HMGN5: variants seen among roughly 807,000 people sequenced by gnomAD.
HMGN5 encodes the protein high mobility group nucleosome binding domain 5.
Under a neutral mutation model 9.5 loss-of-function variants are expected in HMGN5, and 4 were observed. That is an observed-to-expected ratio of 0.42 (90% confidence interval 0.21 to 0.96). The LOEUF is 0.96. Among genes scored for constraint, HMGN5 ranks in the 40% least tolerant of loss-of-function variants. HMGN5 has a pLI of 0.30. For synonymous variants in HMGN5, 55 were observed against 57.1 expected (o/e 0.96, Z 0.16); for missense variants, 192 against 187.5 (o/e 1.02, Z -0.14).
intron 1 of HMGN5, among the ~76,000 whole-genome samples, chrX:81,151,744 C>G (rs984649208): frequency 1.8e-5 from 2 of 110,291 alleles, no homozygotes. Context: ...ATTTGGCTCT[C>G]TGTTTGTCTG....
intron 5 of HMGN5, among the ~76,000 whole-genome samples, chrX:81,116,584 A>C (rs5959814): frequency 0.016 from 1,785 of 111,800 alleles, 33 homozygotes; most frequent in African/African-American, 0.055. Context: ...TTTCCTTTTA[A>C]GTTGAGTGAT....
Position 81,115,041 on chromosome X carries a change from C to A in HMGN5, c.457G>T (p.Gly153Trp). The A allele has an allele frequency of 2.6e-6, 3 of 1,155,434 alleles. No homozygotes were observed. The highest frequency in any genetic ancestry group is 2.0e-5 in the South Asian group (1 of 49,714). Residue 153 changes from glycine (G) to tryptophan (W), a missense_variant, in exon 7 of 7, where the codon GGG becomes TGG. Physicochemically the swap from Gly to Trp is radical, Grantham distance 184. Transcript: ENST00000358130. ...EAGKEDKDEK[G>W]EEDGKEDKNG... The stretch of plus-strand genomic sequence containing the variant: ...TTATCCTCTTTTCCATCTTCTTCCC[C>A]TTTTTCATCTTTGTCTTCTTTTCCA...
At chrX:81,179,788 C>T (rs2075455625) in intron 1 of HMGN5, among the ~76,000 whole-genome samples, 2 of 111,640 alleles carry the variant, frequency 1.8e-5, no homozygotes, top group Non-Finnish European at 3.8e-5. Context: ...CATCATGCTA[C>T]CTGACTTCAA....
chrX:81,169,281 C>T (rs746341345), intron 1 of HMGN5, among the ~76,000 whole-genome samples: 1 of 111,605 alleles, frequency 9.0e-6, no homozygotes, highest in Non-Finnish European at 1.9e-5. Context: ...TTACAGTGCC[C>T]AGATAAAGGG....
At chrX:81,165,537 G>A (rs1409386808) in intron 1 of HMGN5, among the ~76,000 whole-genome samples, 1 of 111,133 alleles carries the variant, frequency 9.0e-6, no homozygotes, top group Non-Finnish European at 1.9e-5. Context: ...GAAACAAACA[G>A]CTCTCATTTT....
At chrX:81,193,322 T>C (rs2075499247) in intron 1 of HMGN5, among the ~76,000 whole-genome samples, 1 of 112,023 alleles carries the variant, frequency 8.9e-6, no homozygotes, top group African/African-American at 3.2e-5. Context: ...CTAGTCAACA[T>C]TTACATCTGA....
At chrX:81,140,902 G>T (rs1038596872) in intron 1 of HMGN5, among the ~76,000 whole-genome samples, 5 of 111,673 alleles carry the variant, frequency 4.5e-5, no homozygotes, top group Non-Finnish European at 7.5e-5. Context: ...AGCATCTCTG[G>T]ACTTGCCCTG....
At chrX:81,126,439 G>C (rs1414320838) in intron 1 of HMGN5, among the ~76,000 whole-genome samples, 1 of 111,259 alleles carries the variant, frequency 9.0e-6, no homozygotes, top group African/African-American at 3.3e-5. Context: ...CAAGAAAGTA[G>C]AAAATTCAGA....
At chrX:81,159,553 G>A (rs1203951972) in intron 1 of HMGN5, among the ~76,000 whole-genome samples, 3 of 111,671 alleles carry the variant, frequency 2.7e-5, no homozygotes, top group Non-Finnish European at 5.6e-5. Flanking sequence ...GAGGGCCAAA[G>A]CATCTTGGGT....
chrX:81,135,027 T>A (rs947143172), intron 1 of HMGN5, among the ~76,000 whole-genome samples: 2 of 111,595 alleles, frequency 1.8e-5, no homozygotes, highest in African/African-American at 6.5e-5. Context: ...ACTCTTATAA[T>A]AAAACATAAG....
In HMGN5 at chrX:81,134,828, C is replaced by T. The variant is rs745744112; in HGVS notation, c.-123-13156G>A. 7.2e-5 allele frequency among the ~76,000 whole-genome samples: 8 copies of T among 111,408 alleles called. No individual in the cohort carries two copies. In the East Asian group the frequency reaches 2.3e-3, roughly 31 times the overall value. ...ACAAAGACACAATTACATTTGTGGT[C>T]ACCTGATTTTCAACAAAAGTTCAAA... On this transcript the variant is annotated intron_variant, in intron 1 of 6. Coordinates refer to ENST00000358130, the MANE Select transcript of HMGN5 (RefSeq NM_030763.3).
intron 1 of HMGN5, among the ~76,000 whole-genome samples, chrX:81,151,577 T>C (rs1279348049): frequency 9.0e-6 from 1 of 111,297 alleles, no homozygotes; most frequent in Non-Finnish European, 1.9e-5. Context: ...TTCCTACCCA[T>C]GAGCATGGAA....
chrX:81,161,162 G>A (rs749493445), intron 1 of HMGN5, among the ~76,000 whole-genome samples: 1 of 110,373 alleles, frequency 9.1e-6, no homozygotes, highest in Non-Finnish European at 1.9e-5. Context: ...TATGAGCTGT[G>A]CTTCCTTACT....
chrX:81,184,196 C>T (rs1006718617), intron 1 of HMGN5, among the ~76,000 whole-genome samples: 6 of 111,651 alleles, frequency 5.4e-5, no homozygotes, highest in African/African-American at 2.0e-4. Flanking sequence ...GGCAGTTTCT[C>T]ATGGTTTAAT....
At chrX:81,178,412 T>A (rs951626479) in intron 1 of HMGN5, among the ~76,000 whole-genome samples, 8 of 111,657 alleles carry the variant, frequency 7.2e-5, no homozygotes, top group African/African-American at 2.6e-4. Flanking sequence ...CAAATTACCC[T>A]CAGAGAATAC....
intron 1 of HMGN5, among the ~76,000 whole-genome samples, chrX:81,193,003 T>C (rs2075498219): frequency 9.0e-6 from 1 of 111,648 alleles, no homozygotes; most frequent in Non-Finnish European, 1.9e-5. Context: ...GACTTTGAGA[T>C]GAAAATGTGG....
intron 1 of HMGN5, among the ~76,000 whole-genome samples, chrX:81,188,999 T>C (rs2075486449): frequency 8.9e-6 from 1 of 112,109 alleles, no homozygotes; most frequent in Admixed American, 9.5e-5. Context: ...GGCTTATTAA[T>C]GTTCTTTTAT....
At chrX:81,169,302 T>C (rs2075418968) in intron 1 of HMGN5, among the ~76,000 whole-genome samples, 1 of 111,789 alleles carries the variant, frequency 8.9e-6, no homozygotes. Flanking sequence ...CTGCTTATTA[T>C]CTGATTCTTG....
intron 1 of HMGN5, among the ~76,000 whole-genome samples, chrX:81,142,750 G>C (rs1602564124): frequency 8.9e-6 from 1 of 111,916 alleles, no homozygotes; most frequent in South Asian, 3.7e-4. Context: ...GAAAGAAAAG[G>C]ATGTTAATGA....
Sources: allele counts gnomAD v4.1 joint callset (sites outside exome capture counted in the v4.1 genomes callset), GRCh38; gene constraint gnomAD v4.1.1; transcripts MANE v1.5; gene names NCBI Gene and HGNC (gene_info 2026-07-23, HGNC 2026-07-21).